The following CLINT1 variants were observed in gnomAD, a reference collection of about 807,000 sequenced individuals.
CLINT1 encodes clathrin interacting protein localized in the trans-Golgi region.
A neutral mutation model predicts 70.4 loss-of-function variants in CLINT1; 15 were observed. That is an observed-to-expected ratio of 0.21 (90% CI 0.14 to 0.33). CLINT1 has a LOEUF of 0.33. Ranked by LOEUF, CLINT1 falls within the 10% of genes least tolerant of loss-of-function variation. The probability of loss-of-function intolerance (pLI) is 1.00; values close to 1 mark genes in which losing one functional copy is unlikely to be tolerated. For synonymous variants in CLINT1, 227 were observed against 254.7 expected, an observed-to-expected ratio of 0.89 and a Z score of 1.04; for missense variants, 615 against 778.1, an observed-to-expected ratio of 0.79 and a Z score of 2.49.
intron 1 of CLINT1, among the ~76,000 whole-genome samples, chr5:157,845,867 T>C (rs896960043): frequency 2.6e-5 from 4 of 152,178 alleles, no homozygotes; most frequent in African/African-American, 7.2e-5. Flanking sequence ...TTTTAGTAAT[T>C]CTTACAATAT....
intron 8 of CLINT1, among the ~76,000 whole-genome samples, chr5:157,796,887 CATAT>C (rs71665669): frequency 6.1e-5 from 9 of 148,014 alleles, no homozygotes; most frequent in African/African-American, 1.2e-4. Context: ...CTCATACATA[CATAT>C]ATATATATAT....
At chr5:157,842,450 G>A (rs776887504) in intron 1 of CLINT1, among the ~76,000 whole-genome samples, 2 of 152,120 alleles carry the variant, frequency 1.3e-5, no homozygotes, top group Non-Finnish European at 2.9e-5. Context: ...GAGACTCCAG[G>A]ACACTTTAAA....
intron 8 of CLINT1, among the ~76,000 whole-genome samples, chr5:157,802,558 T>C (rs1249645106): frequency 8.6e-4 from 127 of 147,322 alleles, no homozygotes; most frequent in Admixed American, 8.0e-3. Context: ...TTTTTTTTTT[T>C]CCGAGATGGA....
Position 157,859,054 on chromosome 5 carries a change from G to C in CLINT1, c.-84C>G. On this transcript the variant is annotated 5_prime_UTR_variant, in exon 1 of 12. Transcript: ENST00000411809. ...CACTTCCGTACCGGGGCAGTTCCAG[G>C]CCGGGGTCACCGCCGCCCGCCGCCT... is the stretch of plus-strand genomic sequence containing the variant. The C allele has an allele frequency of 1.3e-6, 2 of 1,517,686 alleles. No homozygotes were observed. Among genetic ancestry groups the C allele is most frequent in the African/African-American group, 2.8e-5 (2 of 71,820 alleles). 94.0% of individuals were successfully genotyped at this position (1,517,686 alleles called of 1,614,324 possible).
At chr5:157,829,802 C>A (rs1763167100) in intron 1 of CLINT1, among the ~76,000 whole-genome samples, 1 of 150,034 alleles carries the variant, frequency 6.7e-6, no homozygotes, top group Non-Finnish European at 1.5e-5. Context: ...TCAGCCCTCC[C>A]AAAGTGCTGG....
intron 1 of CLINT1, among the ~76,000 whole-genome samples, chr5:157,824,735 C>A (rs1762982247): frequency 6.6e-6 from 1 of 152,154 alleles, no homozygotes; most frequent in Non-Finnish European, 1.5e-5. Flanking sequence ...CTGGACACTT[C>A]CTCTAAAGAA....
In CLINT1 at chr5:157,787,712, G is replaced by A. The variant is rs1195949719; in HGVS notation, c.1812C>T (p.Ala604=). 1 of 1,613,974 alleles carries A rather than the reference G, an allele frequency of 6.2e-7. No individual in the cohort carries two copies. Among genetic ancestry groups the A allele is most frequent in the South Asian group, 1.1e-5 (1 of 91,086 alleles). The change falls in exon 12 of 12, where the codon GCC becomes GCT. Residue 604 remains alanine (A), a synonymous_variant. Coordinates refer to ENST00000411809, the MANE Select transcript of CLINT1 (RefSeq NM_014666.4). ...GTMGMGMPNI[A]MTSGTVQPKQ... ...TGGGTTGCACAGTTCCAGAAGTCAT[G>A]GCTATGTTGGGCATGCCCATTCCCA... is the stretch of plus-strand genomic sequence containing the variant.
rs139694588 is a variant in CLINT1 at position 157,791,783 on chromosome 5, T to C, written c.1300A>G (p.Met434Val). 7 of 1,613,996 alleles carry C rather than the reference T, an allele frequency of 4.3e-6. No individual in the cohort carries two copies. In the East Asian group the frequency reaches 1.1e-4, roughly 26 times the overall value. The change falls in exon 10 of 12, where the codon ATG (methionine) becomes GTG (valine). Residue 434 changes from methionine (M) to valine (V), a missense_variant. Met to Val is a conservative substitution (Grantham distance 21). This residue lies in a region of CLINT1 where 374 missense variants were observed against 409.6 expected (regional missense o/e 0.91). Transcript: ENST00000411809. ...FDLMGSSQAT[M>V]TSSQSMNFSM... ...AAATTCATACTCTGGGAAGATGTCA[T>C]GGTTGCCTGGGACGAGCCCATAAGA...
At chr5:157,856,410 CAG>C (rs1386149940) in intron 1 of CLINT1, among the ~76,000 whole-genome samples, 1 of 152,140 alleles carries the variant, frequency 6.6e-6, no homozygotes, top group Non-Finnish European at 1.5e-5. Flanking sequence ...GAATATGAAC[CAG>C]ATAGTTAAAC....
chr5:157,853,031 G>A (rs936435366), intron 1 of CLINT1, among the ~76,000 whole-genome samples: 7 of 152,168 alleles, frequency 4.6e-5, no homozygotes, highest in Non-Finnish European at 5.9e-5. Flanking sequence ...AACAAACATT[G>A]GAAACAAGTA....
chr5:157,853,633 C>T (rs1387859853), intron 1 of CLINT1, among the ~76,000 whole-genome samples: 2 of 150,850 alleles, frequency 1.3e-5, no homozygotes, highest in East Asian at 3.9e-4. Context: ...AAAAATTAGC[C>T]GGGCATGGTG....
At chr5:157,851,896 T>A (rs888000649) in intron 1 of CLINT1, among the ~76,000 whole-genome samples, 2 of 152,172 alleles carry the variant, frequency 1.3e-5, no homozygotes, top group African/African-American at 4.8e-5. Context: ...CTGTATTTAA[T>A]TTTCAGGCAA....
chr5:157,830,062 C>T lies in CLINT1; in HGVS notation c.42-12515G>A, dbSNP rs375541115. On this transcript the variant is annotated intron_variant, in intron 1 of 11. Transcript: ENST00000411809. ...CTCCCAGGCTCAAGCGATCCTCTCA[C>T]ATCAGCCTTCCAAGTAGCTGGGACT... 5.9e-5 allele frequency among the ~76,000 whole-genome samples: 9 copies of T among 152,262 alleles called. No individual in the cohort carries two copies. The East Asian group carries it at 1.5e-3, about 26-fold the overall frequency.
At chr5:157,832,779 A>C (rs1763286744) in intron 1 of CLINT1, among the ~76,000 whole-genome samples, 1 of 152,140 alleles carries the variant, frequency 6.6e-6, no homozygotes. Context: ...CCTCCCACTG[A>C]ATATCCAATC....
chr5:157,834,966 G>A (rs1318153086), intron 1 of CLINT1, among the ~76,000 whole-genome samples: 2 of 151,980 alleles, frequency 1.3e-5, no homozygotes, highest in South Asian at 2.1e-4. Context: ...CTGTATTCAC[G>A]GTGCTTTCAT....
intron 1 of CLINT1, among the ~76,000 whole-genome samples, chr5:157,850,803 A>T (rs1048992422): frequency 2.0e-5 from 3 of 151,700 alleles, no homozygotes; most frequent in African/African-American, 7.3e-5. Context: ...TATTAAAAAA[A>T]ATTTTTTTAG....
intron 1 of CLINT1, among the ~76,000 whole-genome samples, chr5:157,842,518 A>G (rs570423808): frequency 3.9e-5 from 6 of 152,350 alleles, no homozygotes; most frequent in Non-Finnish European, 7.3e-5. Flanking sequence ...GCAAAATGTT[A>G]TATTTGGATA....
intron 1 of CLINT1, among the ~76,000 whole-genome samples, chr5:157,835,008 G>GT (rs1192222841): frequency 3.9e-5 from 6 of 152,136 alleles, no homozygotes; most frequent in African/African-American, 1.2e-4. Flanking sequence ...AGCAAAAAAC[G>GT]TGAGTTGTCC....
At chr5:157,831,631 T>A (rs1173143524) in intron 1 of CLINT1, among the ~76,000 whole-genome samples, 1 of 151,944 alleles carries the variant, frequency 6.6e-6, no homozygotes, top group African/African-American at 2.4e-5. Flanking sequence ...ATTAAATATG[T>A]ATAGGATATA....
Sources: gnomAD v4.1 joint callset for allele counts (sites outside exome capture counted in the v4.1 genomes callset) on GRCh38, gnomAD v4.1.1 for gene constraint, gnomAD v4.1.1 regional missense constraint, MANE v1.5 for transcripts, NCBI Gene and HGNC (gene_info 2026-07-23, HGNC 2026-07-21) for gene names.